Variants in MIR2052HG observed in about 807,000 individuals in gnomAD.
MIR2052HG encodes the protein MIR2052 host gene.
chr8:74,755,384 G>A (rs942276139), intron 5 of MIR2052HG, among the ~76,000 whole-genome samples: 1 of 152,174 alleles, frequency 6.6e-6, no homozygotes, highest in Non-Finnish European at 1.5e-5. Flanking sequence ...CCACAAATAC[G>A]CGGTTTCAGT....
intron 2 of MIR2052HG, among the ~76,000 whole-genome samples, chr8:74,663,534 T>G (rs1424650231): frequency 6.6e-6 from 1 of 152,214 alleles, no homozygotes; most frequent in East Asian, 1.9e-4. Flanking sequence ...AGAGAAAAGA[T>G]AAGTCACTTG....
chr8:74,714,313 G>A lies in MIR2052HG; in HGVS notation n.371+10631G>A, dbSNP rs1809499019. On this transcript the variant is annotated intron_variant and non_coding_transcript_variant, in intron 4 of 6. Coordinates refer to ENST00000523442, the Ensembl canonical transcript of MIR2052HG. ...TTTCCATGAATCAGAAATTATATTT[G>A]CCAAATGCTAATCTGTTGTAAAATT... 2.6e-5 allele frequency among the ~76,000 whole-genome samples: 4 copies of A among 152,138 alleles called. No homozygotes were observed. The South Asian group carries it at 8.3e-4, about 31-fold the overall frequency.
intron 4 of MIR2052HG, among the ~76,000 whole-genome samples, chr8:74,751,227 A>T (rs1051237107): frequency 6.6e-6 from 1 of 152,132 alleles, no homozygotes; most frequent in Non-Finnish European, 1.5e-5. Context: ...ACTATAAACA[A>T]ACGTCCTTTT....
chr8:74,704,142 A>G (rs1463927103), intron 4 of MIR2052HG, among the ~76,000 whole-genome samples: 1 of 151,980 alleles, frequency 6.6e-6, no homozygotes, highest in Admixed American at 6.6e-5. Flanking sequence ...AATTTTCTAA[A>G]ATTTATTTCT....
At chr8:74,657,999 T>C (rs1808824423) in intron 2 of MIR2052HG, among the ~76,000 whole-genome samples, 1 of 152,192 alleles carries the variant, frequency 6.6e-6, no homozygotes, top group African/African-American at 2.4e-5. Context: ...TTGGCTCACA[T>C]AGTAATTTTC....
At chr8:74,721,094 C>G (rs1809573517) in intron 4 of MIR2052HG, among the ~76,000 whole-genome samples, 1 of 152,076 alleles carries the variant, frequency 6.6e-6, no homozygotes, top group African/African-American at 2.4e-5. Flanking sequence ...CTCTGTTGAA[C>G]AGTCTAGGGC....
intron 2 of MIR2052HG, among the ~76,000 whole-genome samples, chr8:74,693,870 C>T (rs1472471995): frequency 6.6e-6 from 1 of 152,132 alleles, no homozygotes; most frequent in Non-Finnish European, 1.5e-5. Flanking sequence ...TAGGGTCTTT[C>T]CCTATCTACC....
At chr8:74,628,581 G>A (rs1402558490) in intron 2 of MIR2052HG, among the ~76,000 whole-genome samples, 1 of 152,104 alleles carries the variant, frequency 6.6e-6, no homozygotes, top group Non-Finnish European at 1.5e-5. Context: ...CATTTTGAGG[G>A]CGACTTCTGA....
chr8:74,661,592 G>A (rs925953579), intron 2 of MIR2052HG, among the ~76,000 whole-genome samples: 4 of 152,164 alleles, frequency 2.6e-5, no homozygotes, highest in Non-Finnish European at 5.9e-5. Flanking sequence ...ACATTTCTAA[G>A]GTGTGACATT....
At position 74,637,187 on chromosome 8, in the gene MIR2052HG, T is replaced by A. The variant is rs537662518; in HGVS notation, n.216+24247T>A. 3.3e-5 allele frequency among the ~76,000 whole-genome samples: 5 copies of A among 152,198 alleles called. No individual in the cohort carries two copies. The East Asian group carries it at 9.6e-4, about 29-fold the overall frequency. Reference sequence around the variant, plus strand: ...ACTGGGTCTAGGAAGATGTGAAGGATCTGAGCAGGCATGGAAGATTTTCCA... The same window carrying A: ...ACTGGGTCTAGGAAGATGTGAAGGAACTGAGCAGGCATGGAAGATTTTCCA... On this transcript the variant is annotated intron_variant and non_coding_transcript_variant, in intron 2 of 6. Transcript: ENST00000523442.
At chr8:74,717,577 G>A (rs1211320688) in intron 4 of MIR2052HG, among the ~76,000 whole-genome samples, 1 of 152,076 alleles carries the variant, frequency 6.6e-6, no homozygotes, top group Non-Finnish European at 1.5e-5. Context: ...CAGCATTTTG[G>A]GAGGTTGAGG....
intron 2 of MIR2052HG, chr8:74,612,990 A>G (rs901913436): frequency 2.2e-6 from 1 of 452,726 alleles, no homozygotes; most frequent in African/African-American, 2.0e-5. Context: ...GACAAATATG[A>G]TAATGGACAA....
At chr8:74,643,225 G>A (rs1202873866) in intron 2 of MIR2052HG, among the ~76,000 whole-genome samples, 1 of 152,140 alleles carries the variant, frequency 6.6e-6, no homozygotes. Context: ...TTCAGTAATG[G>A]TTTTTACTAC....
intron 1 of MIR2052HG, chr8:74,612,539 G>T (rs925646697): frequency 4.9e-6 from 1 of 202,326 alleles, no homozygotes; most frequent in East Asian, 1.4e-4. Context: ...GGTCATGCTC[G>T]TTACTAGGTA....
chr8:74,619,213 T>C (rs1808327204), intron 2 of MIR2052HG, among the ~76,000 whole-genome samples: 1 of 151,936 alleles, frequency 6.6e-6, no homozygotes, highest in African/African-American at 2.4e-5. Context: ...AATATACAAA[T>C]AAAATTCAAT....
At chr8:74,682,540 AACTT>A (rs1222415000) in intron 2 of MIR2052HG, among the ~76,000 whole-genome samples, 1 of 152,152 alleles carries the variant, frequency 6.6e-6, no homozygotes, top group Non-Finnish European at 1.5e-5. Context: ...ACAACAGAAA[AACTT>A]ACCTGTGAAA....
At chr8:74,612,543 C>G (rs1301860861) in intron 1 of MIR2052HG, 7 of 216,898 alleles carry the variant, frequency 3.2e-5, no homozygotes, top group Middle Eastern at 2.1e-3. Context: ...ATGCTCGTTA[C>G]TAGGTAATTT....
At chr8:74,685,951 A>T (rs1199396086) in intron 2 of MIR2052HG, among the ~76,000 whole-genome samples, 2 of 152,036 alleles carry the variant, frequency 1.3e-5, no homozygotes, top group East Asian at 3.9e-4. Context: ...GCTTTTTAAG[A>T]TCATCTAGGT....
intron 1 of MIR2052HG, among the ~76,000 whole-genome samples, chr8:74,605,205 T>C (rs1808093924): frequency 6.6e-6 from 1 of 152,178 alleles, no homozygotes; most frequent in Admixed American, 6.5e-5. Flanking sequence ...TTGCCATTAC[T>C]TGCATGCTAT....
Sources: allele counts gnomAD v4.1 joint callset (sites outside exome capture counted in the v4.1 genomes callset), GRCh38; gene constraint gnomAD v4.1.1; transcripts MANE v1.5; gene names NCBI Gene and HGNC (gene_info 2026-07-23, HGNC 2026-07-21).